SVOP: variants seen among roughly 807,000 people sequenced by gnomAD.
SVOP encodes synaptic vesicle 2-related protein.
SVOP carries 17 observed loss-of-function variants against 69.1 expected under a neutral mutation model. The ratio of observed to expected loss-of-function variants is 0.25; its 90% CI spans 0.17 to 0.37. The LOEUF (loss-of-function observed/expected upper bound fraction) is 0.37. SVOP is among the 10% of genes least tolerant of loss of function. SVOP has a pLI of 1.00. For missense variants in SVOP, 435 were observed against 597.5 expected (o/e 0.73, Z 2.84); for synonymous variants, 238 against 238.6 (o/e 1.00, Z 0.02).
chr12:109,009,865 A>T (rs986688240), intron 1 of SVOP, among the ~76,000 whole-genome samples: 1 of 152,134 alleles, frequency 6.6e-6, no homozygotes, highest in Non-Finnish European at 1.5e-5. Context: ...CCTACAATGC[A>T]TAGGACAGCC....
chr12:108,966,673 C>T (rs2040047415), intron 5 of SVOP, among the ~76,000 whole-genome samples: 1 of 152,118 alleles, frequency 6.6e-6, no homozygotes, highest in Non-Finnish European at 1.5e-5. Context: ...GACACTTTCT[C>T]TTTCCCTCTG....
chr12:108,954,998 C>G (rs1282042268), intron 6 of SVOP, among the ~76,000 whole-genome samples: 1 of 152,206 alleles, frequency 6.6e-6, no homozygotes, highest in African/African-American at 2.4e-5. Flanking sequence ...GCCTGGGTAA[C>G]AGAGCGAGAC....
At chr12:108,984,428 C>T (rs1043039525) in intron 1 of SVOP, among the ~76,000 whole-genome samples, 3 of 152,000 alleles carry the variant, frequency 2.0e-5, no homozygotes, top group Non-Finnish European at 4.4e-5. Context: ...TGGAATTGTG[C>T]TAGGTCTGGG....
At chr12:108,974,349 G>A (rs968515862) in intron 4 of SVOP, among the ~76,000 whole-genome samples, 22 of 152,154 alleles carry the variant, frequency 1.4e-4, no homozygotes, top group African/African-American at 5.1e-4. Context: ...TGTTGTTGTT[G>A]TGGTCTATTG....
chr12:108,945,624 C>T (rs1306541305), intron 6 of SVOP, among the ~76,000 whole-genome samples: 2 of 151,926 alleles, frequency 1.3e-5, no homozygotes, highest in East Asian at 1.9e-4. Flanking sequence ...TGGCCTCAAG[C>T]GATCCTCCCA....
At chr12:108,922,224 A>G (rs1262120818) in intron 12 of SVOP, among the ~76,000 whole-genome samples, 3 of 152,188 alleles carry the variant, frequency 2.0e-5, no homozygotes, top group African/African-American at 7.2e-5. Flanking sequence ...ATCGTCCAAT[A>G]TAATAAAGAT....
At chr12:108,958,635 G>C (rs1158850606) in intron 6 of SVOP, among the ~76,000 whole-genome samples, 2 of 152,200 alleles carry the variant, frequency 1.3e-5, no homozygotes, top group Non-Finnish European at 2.9e-5. Context: ...GGAGGATGCT[G>C]TGATGTGCTA....
chr12:108,956,774 T>C (rs750045903), intron 6 of SVOP, among the ~76,000 whole-genome samples: 1 of 152,112 alleles, frequency 6.6e-6, no homozygotes, highest in Non-Finnish European at 1.5e-5. Flanking sequence ...GAAGGAGATG[T>C]AGAAGCGGAT....
intron 1 of SVOP, among the ~76,000 whole-genome samples, chr12:108,990,702 T>C (rs888135003): frequency 6.6e-6 from 1 of 150,530 alleles, no homozygotes; most frequent in African/African-American, 2.5e-5. Context: ...GAAAAATAAA[T>C]AAATAAATAA....
At chr12:108,939,685 CA>C (rs755451249) in intron 8 of SVOP, among the ~76,000 whole-genome samples, 14 of 152,186 alleles carry the variant, frequency 9.2e-5, no homozygotes, top group Non-Finnish European at 1.9e-4. Flanking sequence ...GCAGAGAGTG[CA>C]AATGCCCACC....
At chr12:108,939,233 G>A (rs1163113909) in intron 8 of SVOP, among the ~76,000 whole-genome samples, 1 of 152,184 alleles carries the variant, frequency 6.6e-6, no homozygotes, top group African/African-American at 2.4e-5. Context: ...GGATAATACA[G>A]GCAAGGTGCC....
intron 2 of SVOP, among the ~76,000 whole-genome samples, chr12:108,979,150 A>G (rs1164752415): frequency 6.6e-6 from 1 of 152,248 alleles, no homozygotes; most frequent in Non-Finnish European, 1.5e-5. Context: ...TTTGTTTGTC[A>G]GAGGGAGGAA....
chr12:109,018,558 G>T (rs1251369551), intron 1 of SVOP, among the ~76,000 whole-genome samples: 2 of 152,050 alleles, frequency 1.3e-5, no homozygotes, highest in Non-Finnish European at 2.9e-5. Flanking sequence ...CGGGAAATCT[G>T]CTGCCTGCAA....
chr12:108,997,796 C>T (rs1165854117), intron 1 of SVOP, among the ~76,000 whole-genome samples: 1 of 151,582 alleles, frequency 6.6e-6, no homozygotes, highest in Non-Finnish European at 1.5e-5. Flanking sequence ...ACATTCACAC[C>T]AAAAACCCAT....
intron 1 of SVOP, among the ~76,000 whole-genome samples, chr12:108,997,258 T>TA (rs1373130501): frequency 2.7e-4 from 41 of 152,136 alleles, no homozygotes; most frequent in African/African-American, 9.6e-4. Context: ...CAGACCGGCT[T>TA]AAAAAACGGC....
chr12:108,925,464 C>T (rs1343515410), intron 11 of SVOP, among the ~76,000 whole-genome samples: 1 of 152,192 alleles, frequency 6.6e-6, no homozygotes, highest in African/African-American at 2.4e-5. Context: ...CCCCTGACCT[C>T]TCCACCCAGC....
At chr12:109,014,089 C>T (rs553913588) in intron 1 of SVOP, among the ~76,000 whole-genome samples, 47 of 148,784 alleles carry the variant, frequency 3.2e-4, no homozygotes, top group African/African-American at 1.0e-3. Flanking sequence ...GATCTCAGCT[C>T]ATTGGGACCT....
chr12:109,020,770 C>T, intron 1 of SVOP, 64 bp downstream of exon 1: 1 of 474,588 alleles, frequency 2.1e-6, no homozygotes, highest in South Asian at 1.6e-5. Flanking sequence ...CCCCACCCCC[C>T]TTGCAGGTTT....
chr12:108,920,123 C>G (rs1017785570), intron 12 of SVOP, among the ~76,000 whole-genome samples: 2 of 152,238 alleles, frequency 1.3e-5, no homozygotes, highest in African/African-American at 4.8e-5. Flanking sequence ...GGAATGGAAT[C>G]TTGCCAGCAA....
Sources: gnomAD v4.1 joint callset for allele counts (sites outside exome capture counted in the v4.1 genomes callset) on GRCh38, gnomAD v4.1.1 for gene constraint, MANE v1.5 for transcripts, NCBI Gene and HGNC (gene_info 2026-07-23, HGNC 2026-07-21) for gene names.